The following ATP10B variants were observed in gnomAD, a reference collection of about 807,000 sequenced individuals.
ATP10B encodes phospholipid-transporting ATPase VB.
A neutral mutation model predicts 141.2 loss-of-function variants in ATP10B; 122 were observed. The observed-to-expected ratio is 0.86, with a 90% CI of 0.75 to 1.00. The LOEUF is 1.00. Among genes scored for constraint, ATP10B ranks in the 50% least tolerant of loss-of-function variants. The pLI is 0.00. For missense variants in ATP10B, 1,876 were observed against 1,825.3 expected (o/e 1.03, Z -0.51); for synonymous variants, 685 against 692.0 (o/e 0.99, Z 0.16).
At chr5:160,822,390 G>A (rs1774177749) in intron 1 of ATP10B, among the ~76,000 whole-genome samples, 2 of 152,044 alleles carry the variant, frequency 1.3e-5, no homozygotes, top group South Asian at 2.1e-4. Context: ...TGAAGAAAAG[G>A]GAACCCTTGT....
intron 2 of ATP10B, among the ~76,000 whole-genome samples, chr5:160,732,747 T>A (rs1766833446): frequency 1.3e-5 from 2 of 152,242 alleles, no homozygotes; most frequent in South Asian, 4.1e-4. Flanking sequence ...TCTAGCTGTA[T>A]TCATTTTGCT....
At chr5:160,669,851 C>T (rs1356949001) in intron 7 of ATP10B, among the ~76,000 whole-genome samples, 1 of 133,494 alleles carries the variant, frequency 7.5e-6, no homozygotes, top group East Asian at 2.3e-4. Context: ...ATCTACCTGC[C>T]TCTCGGCCTG....
At chr5:160,691,920 G>C (rs1345568889) in intron 3 of ATP10B, 5 of 152,238 alleles carry the variant, frequency 3.3e-5, no homozygotes, top group African/African-American at 1.2e-4. Context: ...TATCTTCTTT[G>C]CTATTATAAA....
At chr5:160,810,474 G>A (rs564809270) in intron 1 of ATP10B, among the ~76,000 whole-genome samples, 1 of 151,982 alleles carries the variant, frequency 6.6e-6, no homozygotes, top group Non-Finnish European at 1.5e-5. Context: ...ATGAAGATTT[G>A]TTTATGTCTA....
At chr5:160,724,885 C>T (rs371828646) in intron 2 of ATP10B, among the ~76,000 whole-genome samples, 1 of 152,158 alleles carries the variant, frequency 6.6e-6, no homozygotes. Context: ...TTATTCAAAG[C>T]ATTTATCATC....
chr5:160,588,179 G>A (rs1417277004), intron 24 of ATP10B, among the ~76,000 whole-genome samples: 1 of 152,222 alleles, frequency 6.6e-6, no homozygotes, highest in East Asian at 1.9e-4. Context: ...ATACAATCAT[G>A]TCATCTGTAA....
At chr5:160,592,382 C>A (rs540134461) in intron 22 of ATP10B, among the ~76,000 whole-genome samples, 77 of 152,266 alleles carry the variant, frequency 5.1e-4, no homozygotes, top group African/African-American at 1.8e-3. Flanking sequence ...TCCCCTTCGA[C>A]TAGGGCAGTC....
At chr5:160,762,255 C>T (rs1002690706) in intron 2 of ATP10B, among the ~76,000 whole-genome samples, 3 of 152,070 alleles carry the variant, frequency 2.0e-5, no homozygotes, top group South Asian at 2.1e-4. Context: ...TACCTAGGCA[C>T]GTAGTCATCG....
chr5:160,700,886 C>G (rs1353832842), intron 3 of ATP10B, among the ~76,000 whole-genome samples: 1 of 152,108 alleles, frequency 6.6e-6, no homozygotes, highest in Non-Finnish European at 1.5e-5. Flanking sequence ...CTGCACTTGC[C>G]CCCTATTACC....
At chr5:160,787,755 T>G (rs1178756977) in intron 1 of ATP10B, among the ~76,000 whole-genome samples, 4 of 152,128 alleles carry the variant, frequency 2.6e-5, no homozygotes, top group African/African-American at 9.7e-5. Context: ...CTGTGATCTT[T>G]TATACTTTTA....
At chr5:160,632,868 T>G (rs2002440) in intron 12 of ATP10B, 129,192 of 152,412 alleles carry the variant, frequency 0.85, 54,993 homozygotes, top group African/African-American at 0.9. Context: ...AATGAATACT[T>G]CTCTCTTAAG....
chr5:160,705,045 A>G (rs888977649), intron 3 of ATP10B, among the ~76,000 whole-genome samples: 5 of 149,146 alleles, frequency 3.4e-5, no homozygotes, highest in African/African-American at 1.2e-4. Context: ...CAGCCTCCCA[A>G]GTAGCTGAGA....
the ATP10B span, among the ~76,000 whole-genome samples, chr5:160,893,616 G>A: frequency 5.3e-5 from 8 of 152,224 alleles, no homozygotes; most frequent in African/African-American, 1.7e-4. Flanking sequence ...TGCAGGTGCA[G>A]CTTCAGAAGA....
intron 2 of ATP10B, among the ~76,000 whole-genome samples, chr5:160,768,581 G>A (rs1318972775): frequency 6.6e-6 from 1 of 152,138 alleles, no homozygotes; most frequent in Non-Finnish European, 1.5e-5. Context: ...TTGCCACTAT[G>A]TTATAAGTGC....
At chr5:160,571,241 T>C (rs1754856936) in intron 24 of ATP10B, among the ~76,000 whole-genome samples, 1 of 152,256 alleles carries the variant, frequency 6.6e-6, no homozygotes, top group Admixed American at 6.5e-5. Flanking sequence ...TAATATTGCT[T>C]CTATAATTTT....
At position 160,634,535 on chromosome 5, in the gene ATP10B, A is replaced by G. The variant is rs376977499; in HGVS notation, c.1200T>C (p.Asn400=). 6.2e-7 allele frequency: 1 copy of G among 1,614,054 alleles called. No individual in the cohort carries two copies. Among genetic ancestry groups the G allele is most frequent in the Non-Finnish European group, 8.5e-7 (1 of 1,180,022 alleles). ...TCTCTTCATCATACAGGTCAAGGTCATTGCTCAAGAAGAACACTTGCCCGA... is the reference window on the plus strand; with the variant it reads ...TCTCTTCATCATACAGGTCAAGGTCGTTGCTCAAGAAGAACACTTGCCCGA... ...VKLGQVFFLS[N]DLDLYDEETD... The change falls in exon 12 of 26, where the codon AAT becomes AAC. Residue 400 remains asparagine (N), a synonymous_variant. Transcript: ENST00000327245.
At chr5:160,781,939 C>T (rs767957336) in intron 2 of ATP10B, among the ~76,000 whole-genome samples, 3 of 152,070 alleles carry the variant, frequency 2.0e-5, no homozygotes, top group Non-Finnish European at 4.4e-5. Context: ...CTTTCTGAGG[C>T]AGAATTATTT....
intron 22 of ATP10B, among the ~76,000 whole-genome samples, chr5:160,592,850 C>T (rs866876302): frequency 6.6e-5 from 10 of 152,206 alleles, no homozygotes; most frequent in South Asian, 4.1e-4. Context: ...AAGGCAGCAG[C>T]GAGGCTGGGG....
chr5:160,818,475 G>T (rs1294817947), intron 1 of ATP10B, among the ~76,000 whole-genome samples: 1 of 152,180 alleles, frequency 6.6e-6, no homozygotes, highest in African/African-American at 2.4e-5. Context: ...AGTTAGAATG[G>T]CGATCATTAA....
Sources: allele counts gnomAD v4.1 joint callset (sites outside exome capture counted in the v4.1 genomes callset), GRCh38; gene constraint gnomAD v4.1.1; transcripts MANE v1.5; gene names NCBI Gene and HGNC (gene_info 2026-07-23, HGNC 2026-07-21).